MALRD1: variants seen among roughly 807,000 people sequenced by gnomAD.
MALRD1 encodes MAM and LDL-receptor class A domain-containing protein 1.
In MALRD1, 247 loss-of-function variants were observed where a neutral mutation model predicts 242.1. That is an observed-to-expected ratio of 1.02 (90% CI 0.92 to 1.13). The LOEUF is 1.13. Ranked by LOEUF, MALRD1 falls within the 50% of genes most tolerant of loss-of-function variation. The probability of loss-of-function intolerance (pLI) is 0.00; values close to 1 mark genes in which losing one functional copy is unlikely to be tolerated. For missense variants in MALRD1, 2,989 were observed against 2,533.1 expected (o/e 1.18, Z -3.86); for synonymous variants, 995 against 866.6 (o/e 1.15, Z -2.60).
At chr10:19,652,818 G>T (rs979380199) in intron 36 of MALRD1, among the ~76,000 whole-genome samples, 1 of 152,164 alleles carries the variant, frequency 6.6e-6, no homozygotes, top group African/African-American at 2.4e-5. Context: ...AACTTATCAA[G>T]ATCATATAGC....
intron 26 of MALRD1, among the ~76,000 whole-genome samples, chr10:19,354,950 G>A (rs993591873): frequency 6.6e-6 from 1 of 152,088 alleles, no homozygotes; most frequent in Non-Finnish European, 1.5e-5. Flanking sequence ...CGTTTATGAG[G>A]TTGTAGTGAA....
At chr10:19,105,393 A>G (rs563153065) in intron 5 of MALRD1, among the ~76,000 whole-genome samples, 1 of 151,974 alleles carries the variant, frequency 6.6e-6, no homozygotes, top group African/African-American at 2.4e-5. Flanking sequence ...ATGTTACCAC[A>G]TTTTCTTTAT....
chr10:19,617,214 A>G (rs952080481), intron 36 of MALRD1, among the ~76,000 whole-genome samples: 1 of 152,030 alleles, frequency 6.6e-6, no homozygotes, highest in African/African-American at 2.4e-5. Flanking sequence ...TCTTAAATAA[A>G]CTTGAAAAAT....
chr10:19,429,846 C>T (rs1290971047), intron 28 of MALRD1, among the ~76,000 whole-genome samples: 1 of 152,140 alleles, frequency 6.6e-6, no homozygotes, highest in African/African-American at 2.4e-5. Flanking sequence ...GCCATGCCTA[C>T]TCTCAGGCTT....
At chr10:19,250,552 A>G (rs1198752016) in intron 18 of MALRD1, among the ~76,000 whole-genome samples, 1 of 151,998 alleles carries the variant, frequency 6.6e-6, no homozygotes, top group Non-Finnish European at 1.5e-5. Context: ...AAATTTACTT[A>G]GGCAGGTTTC....
At chr10:19,102,848 T>C (rs1339050983) in intron 4 of MALRD1, among the ~76,000 whole-genome samples, 1 of 110,352 alleles carries the variant, frequency 9.1e-6, no homozygotes, top group East Asian at 2.7e-4. Flanking sequence ...TCACGTTCAG[T>C]CATTTCTTCT....
intron 29 of MALRD1, among the ~76,000 whole-genome samples, chr10:19,482,223 A>G (rs1434942324): frequency 6.6e-6 from 1 of 152,118 alleles, no homozygotes; most frequent in Non-Finnish European, 1.5e-5. Flanking sequence ...TTTACTCTCC[A>G]GAATTACCAG....
intron 36 of MALRD1, among the ~76,000 whole-genome samples, chr10:19,656,796 C>T (rs1841173422): frequency 6.6e-6 from 1 of 152,068 alleles, no homozygotes; most frequent in African/African-American, 2.4e-5. Flanking sequence ...TGACCTTGAC[C>T]TTGTCTTCTT....
intron 20 of MALRD1, among the ~76,000 whole-genome samples, chr10:19,281,419 G>T (rs185231976): frequency 2.0e-5 from 3 of 152,248 alleles, no homozygotes; most frequent in Non-Finnish European, 4.4e-5. Context: ...GTTCAACTTT[G>T]CCGTTTTAGT....
At chr10:19,454,264 T>G (rs1835498447) in intron 29 of MALRD1, among the ~76,000 whole-genome samples, 1 of 151,512 alleles carries the variant, frequency 6.6e-6, no homozygotes, top group Non-Finnish European at 1.5e-5. Flanking sequence ...CCACAAACAG[T>G]GACAAGACTT....
chr10:19,647,356 G>T (rs1410853116), intron 36 of MALRD1, among the ~76,000 whole-genome samples: 1 of 152,148 alleles, frequency 6.6e-6, no homozygotes, highest in African/African-American at 2.4e-5. Flanking sequence ...AGACCAGCCT[G>T]TTAGAGGGAA....
At chr10:19,658,310 G>A (rs549330443) in intron 36 of MALRD1, among the ~76,000 whole-genome samples, 15 of 152,190 alleles carry the variant, frequency 9.9e-5, no homozygotes, top group African/African-American at 2.6e-4. Context: ...GTAAAATGTG[G>A]TAACAATGTT....
intron 29 of MALRD1, among the ~76,000 whole-genome samples, chr10:19,462,231 C>A (rs933362462): frequency 2.0e-5 from 3 of 152,182 alleles, no homozygotes; most frequent in African/African-American, 7.2e-5. Flanking sequence ...ACTCTAGAGC[C>A]CACATCTCCA....
intron 11 of MALRD1, among the ~76,000 whole-genome samples, chr10:19,149,407 T>C (rs1478982387): frequency 6.6e-6 from 1 of 152,142 alleles, no homozygotes; most frequent in Non-Finnish European, 1.5e-5. Context: ...TTCCTGCCTT[T>C]TTTGCTTCGT....
At chr10:19,252,309 G>A (rs1023297926) in intron 18 of MALRD1, among the ~76,000 whole-genome samples, 2 of 152,028 alleles carry the variant, frequency 1.3e-5, no homozygotes, top group African/African-American at 4.8e-5. Context: ...ACTGGGTCCA[G>A]CCCAAGGGCC....
chr10:19,521,985 C>T (rs1564410500), intron 31 of MALRD1, among the ~76,000 whole-genome samples: 5 of 152,064 alleles, frequency 3.3e-5, no homozygotes. Flanking sequence ...TGCATTTTCA[C>T]ATCTGTCATC....
chr10:19,350,274 T>TC (rs1406331536), intron 25 of MALRD1, among the ~76,000 whole-genome samples: 1 of 146,334 alleles, frequency 6.8e-6, no homozygotes, highest in African/African-American at 2.5e-5. Flanking sequence ...TTTTTTTCTT[T>TC]TTTTTTTTTT....
Position 19,457,408 on chromosome 10 carries a change from G to C in MALRD1, c.5029+6918G>C, listed in dbSNP as rs146978038. 7.2e-3 allele frequency among the ~76,000 whole-genome samples: 1,088 copies of C among 152,156 alleles called. 6 individuals are homozygous for C. The highest frequency in any genetic ancestry group is 0.027 in the Middle Eastern group (8 of 294). ...TACAGATAGGCAGCAAGGGACAACAGAAAATTAGGGTTCATCATTAAGCTG... is the reference window on the plus strand; with the variant it reads ...TACAGATAGGCAGCAAGGGACAACACAAAATTAGGGTTCATCATTAAGCTG... On this transcript the variant is annotated intron_variant, in intron 29 of 39. Coordinates refer to ENST00000454679, the MANE Select transcript of MALRD1 (RefSeq NM_001142308.3).
At chr10:19,323,863 A>G in intron 21 of MALRD1, 86 bp from the exon 22 acceptor site, 1 of 1,279,886 alleles carries the variant, frequency 7.8e-7, no homozygotes, top group Non-Finnish European at 1.1e-6. Flanking sequence ...CACCTGCCTC[A>G]GCCTCCCAAA....
Sources: allele counts gnomAD v4.1 joint callset (sites outside exome capture counted in the v4.1 genomes callset), GRCh38; gene constraint gnomAD v4.1.1; transcripts MANE v1.5; gene names NCBI Gene and HGNC (gene_info 2026-07-23, HGNC 2026-07-21).